The following USP48 variants were observed in gnomAD, a reference collection of about 807,000 sequenced individuals.
The protein encoded by USP48 is ubiquitin carboxyl-terminal hydrolase 48.
USP48 carries 43 observed loss-of-function variants against 150.7 expected under a neutral mutation model. The observed-to-expected ratio is 0.29, with a 90% CI of 0.22 to 0.37. The LOEUF is 0.37. USP48 is among the 10% of genes least tolerant of loss of function. The pLI, the probability that USP48 is intolerant of heterozygous loss-of-function variation, is 1.00. For synonymous variants in USP48, 396 were observed against 425.9 expected (o/e 0.93, Z 0.86); for missense variants, 813 against 1,249.6 (o/e 0.65, Z 5.27).
chr1:21,725,040 G>A (rs909219659), intron 11 of USP48: 1 of 152,174 alleles, frequency 6.6e-6, no homozygotes, highest in Admixed American at 6.5e-5. Context: ...AGCCCATTGT[G>A]ACCAGTTTTA....
At chr1:21,681,508 C>T (rs909240278) in intron 25 of USP48, among the ~76,000 whole-genome samples, 5 of 152,084 alleles carry the variant, frequency 3.3e-5, no homozygotes, top group African/African-American at 1.2e-4. Context: ...GTGATCCGCC[C>T]GCCACAGCCT....
chr1:21,680,916 A>C (rs1268817760), intron 25 of USP48, 82 bp from the exon 26 acceptor site: 1 of 1,093,420 alleles, frequency 9.1e-7, no homozygotes, highest in Non-Finnish European at 1.3e-6. Context: ...GCTTAAAGAC[A>C]AAAGTTTAAA....
At chr1:21,728,206 A>G (rs2097745023) in intron 11 of USP48, 1 of 1,007,448 alleles carries the variant, frequency 9.9e-7, no homozygotes. Flanking sequence ...GTTAGGTCAC[A>G]AAGTATGCAA....
intron 20 of USP48, 65 bp downstream of exon 20, chr1:21,704,197 C>G: frequency 6.4e-7 from 1 of 1,562,088 alleles, no homozygotes; most frequent in Middle Eastern, 1.7e-4. Context: ...ACAACACTGA[C>G]ACACCCTTTC....
At chr1:21,683,975 G>A (rs2097573936) in intron 25 of USP48, among the ~76,000 whole-genome samples, 1 of 152,034 alleles carries the variant, frequency 6.6e-6, no homozygotes, top group Non-Finnish European at 1.5e-5. Context: ...TTTTTTAATG[G>A]CTGAATAATA....
intron 25 of USP48, chr1:21,685,787 G>C (rs917687003): frequency 3.9e-5 from 6 of 152,204 alleles, no homozygotes; most frequent in African/African-American, 1.4e-4. Flanking sequence ...TTGTTTAAGA[G>C]TGTTTTGGTG....
intron 11 of USP48, 130 bp from the exon 12 acceptor site, chr1:21,724,225 G>A: frequency 3.2e-6 from 3 of 943,912 alleles, no homozygotes; most frequent in Non-Finnish European, 4.9e-6. Context: ...TCATTGTCTG[G>A]GGGAAGATGT....
intron 8 of USP48, among the ~76,000 whole-genome samples, chr1:21,743,665 G>T (rs534456351): frequency 6.6e-6 from 1 of 152,270 alleles, no homozygotes; most frequent in East Asian, 1.9e-4. Flanking sequence ...TACACTTAAG[G>T]GGAGGAAGGT....
chr1:21,693,794 A>G (rs1196246983), intron 23 of USP48, among the ~76,000 whole-genome samples: 1 of 152,214 alleles, frequency 6.6e-6, no homozygotes, highest in Non-Finnish European at 1.5e-5. Context: ...TTATGCCAAC[A>G]CACTTATTTT....
intron 1 of USP48, among the ~76,000 whole-genome samples, chr1:21,775,346 A>G (rs1243898162): frequency 2.0e-5 from 3 of 152,012 alleles, no homozygotes; most frequent in Non-Finnish European, 4.4e-5. Flanking sequence ...ACTGCAACCT[A>G]CACCTCCTGG....
chr1:21,754,901 C>A (rs1320386123), intron 3 of USP48, among the ~76,000 whole-genome samples: 1 of 152,146 alleles, frequency 6.6e-6, no homozygotes, highest in East Asian at 1.9e-4. Context: ...TTTCAGCCAC[C>A]CAGTGCATCC....
intron 15 of USP48, among the ~76,000 whole-genome samples, chr1:21,713,621 T>C (rs1290366160): frequency 1.3e-5 from 2 of 152,196 alleles, no homozygotes; most frequent in African/African-American, 4.8e-5. Context: ...ACACAGTATT[T>C]TGCCACAGAT....
At chr1:21,780,004 G>A (rs904457623) in intron 1 of USP48, among the ~76,000 whole-genome samples, 5 of 152,234 alleles carry the variant, frequency 3.3e-5, no homozygotes, top group Admixed American at 1.3e-4. Flanking sequence ...TGGAAGTTTC[G>A]CGGTTCGGTT....
chr1:21,689,909 A>G (rs1047266006), intron 24 of USP48, 65 bp downstream of exon 24: 1 of 1,576,362 alleles, frequency 6.3e-7, no homozygotes. Flanking sequence ...CATTTCACAC[A>G]GTTTACACAT....
In USP48 at chr1:21,704,325, T is replaced by G. The variant is rs1364467327; in HGVS notation, c.2452A>C (p.Lys818Gln). Residue 818 changes from lysine (K) to glutamine (Q), a missense_variant, in exon 20 of 27, where the codon AAA becomes CAA. Coordinates refer to ENST00000308271, the MANE Select transcript of USP48 (RefSeq NM_032236.8). ...TCTCCCACTTCAATTCTCGTGATTT[T>G]AATTACATGATCCACAACAAAGAGC... The part of the protein sequence containing the change: ...QKLFVVDHVI[K>Q]ITRIEVGDVN... 6.2e-7 allele frequency: 1 copy of G among 1,613,826 alleles called. No individual in the cohort carries two copies. Among genetic ancestry groups the G allele is most frequent in the Non-Finnish European group, 8.5e-7 (1 of 1,179,984 alleles).
At chr1:21,778,388 G>T (rs1261659118) in intron 1 of USP48, among the ~76,000 whole-genome samples, 2 of 151,884 alleles carry the variant, frequency 1.3e-5, no homozygotes, top group Non-Finnish European at 1.5e-5. Context: ...ACAAGTATAG[G>T]GACATAGAGC....
chr1:21,729,645 A>G (rs1243109279), intron 10 of USP48, 59 bp downstream of exon 10: 1 of 1,574,848 alleles, frequency 6.3e-7, no homozygotes, highest in Non-Finnish European at 8.7e-7. Flanking sequence ...CTTATCATTA[A>G]TCTTTGAGTA....
intron 9 of USP48, among the ~76,000 whole-genome samples, chr1:21,730,160 G>A (rs1272295691): frequency 6.6e-6 from 1 of 152,130 alleles, no homozygotes; most frequent in African/African-American, 2.4e-5. Context: ...ATTAACTGAA[G>A]CCGGGCACAG....
intron 1 of USP48, among the ~76,000 whole-genome samples, chr1:21,760,099 G>C (rs1423441652): frequency 6.6e-6 from 1 of 152,152 alleles, no homozygotes; most frequent in Non-Finnish European, 1.5e-5. Context: ...TCTGGCCAAA[G>C]ATGCATGGCC....
Sources: gnomAD v4.1 joint callset for allele counts (sites outside exome capture counted in the v4.1 genomes callset) on GRCh38, gnomAD v4.1.1 for gene constraint, MANE v1.5 for transcripts, NCBI Gene and HGNC (gene_info 2026-07-23, HGNC 2026-07-21) for gene names.